ASAP2: variants seen among roughly 807,000 people sequenced by gnomAD.
ASAP2 encodes ArfGAP with SH3 domain, ankyrin repeat and PH domain 2.
In ASAP2, 45 loss-of-function variants were observed where a neutral mutation model predicts 131.4. The observed-to-expected ratio is 0.34, with a 90% CI of 0.27 to 0.44. The LOEUF is 0.44. ASAP2 is among the 20% of genes least tolerant of loss of function. The pLI, the probability that ASAP2 is intolerant of heterozygous loss-of-function variation, is 1.00. For synonymous variants in ASAP2, 510 were observed against 503.0 expected, an observed-to-expected ratio of 1.01 and a Z score of -0.19; for missense variants, 1,011 against 1,297.0, an observed-to-expected ratio of 0.78 and a Z score of 3.39.
intron 25 of ASAP2, 47 bp downstream of exon 25, chr2:9,400,119 G>A: frequency 6.4e-7 from 1 of 1,570,030 alleles, no homozygotes; most frequent in Non-Finnish European, 8.7e-7. Context: ...TGGTCCATGG[G>A]GGCAATGTGG....
At chr2:9,242,347 G>T (rs1012309502) in intron 1 of ASAP2, among the ~76,000 whole-genome samples, 1 of 152,220 alleles carries the variant, frequency 6.6e-6, no homozygotes, top group Middle Eastern at 3.2e-3. Flanking sequence ...CTTGGTAAAT[G>T]TTTGTTGAAT....
chr2:9,237,788 A>G (rs1297269743), intron 1 of ASAP2, among the ~76,000 whole-genome samples: 1 of 152,134 alleles, frequency 6.6e-6, no homozygotes, highest in Admixed American at 6.5e-5. Flanking sequence ...CTGGTGGAGT[A>G]CATTGTATAC....
At chr2:9,381,560 A>ACTCTGT (rs1302148051) in intron 20 of ASAP2, among the ~76,000 whole-genome samples, 1 of 152,086 alleles carries the variant, frequency 6.6e-6, no homozygotes, top group African/African-American at 2.4e-5. Context: ...ACATAGTGAG[A>ACTCTGT]CTCTGTCTCT....
At chr2:9,280,568 CT>C (rs1342121597) in intron 2 of ASAP2, among the ~76,000 whole-genome samples, 1 of 152,198 alleles carries the variant, frequency 6.6e-6, no homozygotes, top group Non-Finnish European at 1.5e-5. Flanking sequence ...GTACAAAACG[CT>C]GCTGACCAAA....
chr2:9,366,548 AG>A (rs1289784586), intron 15 of ASAP2, among the ~76,000 whole-genome samples: 3 of 152,170 alleles, frequency 2.0e-5, no homozygotes, highest in Non-Finnish European at 2.9e-5. Flanking sequence ...AACCCTTCAC[AG>A]GGCATTAGCT....
At chr2:9,371,108 A>G (rs1426181368) in intron 16 of ASAP2, among the ~76,000 whole-genome samples, 1 of 152,188 alleles carries the variant, frequency 6.6e-6, no homozygotes, top group African/African-American at 2.4e-5. Context: ...ACCCTTCAGT[A>G]TGAACGTTCT....
intron 11 of ASAP2, among the ~76,000 whole-genome samples, chr2:9,345,077 A>G (rs1287264548): frequency 6.6e-6 from 1 of 151,774 alleles, no homozygotes; most frequent in Non-Finnish European, 1.5e-5. Flanking sequence ...ACTCCCTAGC[A>G]GAGTCAGGAG....
intron 16 of ASAP2, among the ~76,000 whole-genome samples, chr2:9,373,705 A>G (rs1216239021): frequency 1.3e-5 from 2 of 152,234 alleles, no homozygotes; most frequent in African/African-American, 4.8e-5. Flanking sequence ...TCCAGCTCGA[A>G]GGGGAGCAGC....
chr2:9,208,719 A>G (rs1661325216), intron 1 of ASAP2, among the ~76,000 whole-genome samples: 1 of 152,208 alleles, frequency 6.6e-6, no homozygotes, highest in Non-Finnish European at 1.5e-5. Context: ...CAAATGAGGC[A>G]GATGGGGATG....
intron 1 of ASAP2, chr2:9,271,707 G>A (rs375430614): frequency 6.9e-5 from 32 of 467,052 alleles, no homozygotes; most frequent in Admixed American, 4.8e-4. Flanking sequence ...GGGAAGCGAC[G>A]GGGCCCAAGG....
At position 9,393,619 on chromosome 2, in the gene ASAP2, C is replaced by T. The variant is rs748713553; in HGVS notation, c.2656C>T (p.Arg886Cys). ...ACCTCTGCCCCCACAGCCGCCCAGC[C>T]GCCTCCCGCAGAAGAAGCCTGCGCC... is the stretch of plus-strand genomic sequence containing the variant. ...PPPLPPQPPSRLPQKKPAPGA... is the reference protein window; with the variant it reads ...PPPLPPQPPSCLPQKKPAPGA... Residue 886 changes from arginine to cysteine, a missense_variant, in exon 24 of 28, where the codon CGC becomes TGC. Coordinates refer to ENST00000281419, the MANE Select transcript of ASAP2 (RefSeq NM_003887.3). 21 of 1,586,104 alleles carry T rather than the reference C, an allele frequency of 1.3e-5. No individual in the cohort carries two copies. The highest frequency in any genetic ancestry group is 1.8e-4 in the Middle Eastern group (1 of 5,656).
At chr2:9,348,698 G>A (rs1041515527) in intron 11 of ASAP2, among the ~76,000 whole-genome samples, 1 of 152,124 alleles carries the variant, frequency 6.6e-6, no homozygotes, top group Non-Finnish European at 1.5e-5. Flanking sequence ...TCAAACAAAG[G>A]TGCTGAATAT....
rs572246222 is a variant in ASAP2 at position 9,396,809 on chromosome 2, A to G, written c.2684+3162A>G. On this transcript the variant is annotated intron_variant, in intron 24 of 27. Transcript: ENST00000281419. ...TTGAAGCCAAGAGTTCAAGACCTGCATGGCCAACATGGCAAAACCCTATCT... is the reference window on the plus strand; with the variant it reads ...TTGAAGCCAAGAGTTCAAGACCTGCGTGGCCAACATGGCAAAACCCTATCT... Among the ~76,000 whole-genome samples, 13 of 152,292 alleles carry G rather than the reference A, an allele frequency of 8.5e-5. No individual in the cohort carries two copies. In the East Asian group the frequency reaches 2.3e-3, roughly 27 times the overall value.
At position 9,405,402 on chromosome 2, in the gene ASAP2, T is replaced by C. The variant is rs932583806; in HGVS notation, c.*2075T>C. 1.3e-5 allele frequency: 2 copies of C among 152,648 alleles called. No homozygotes were observed. Among genetic ancestry groups the C allele is most frequent in the Non-Finnish European group, 2.9e-5 (2 of 68,038 alleles). 9.5% of individuals were successfully genotyped at this position (152,648 alleles called of 1,614,324 possible). The stretch of plus-strand genomic sequence containing the variant: ...CCATTCTCCATCAGATCTGGGATGA[T>C]GGCTCAGAACATGTACACAGACTAA... On this transcript the variant is annotated 3_prime_UTR_variant, in exon 28 of 28. Transcript: ENST00000281419.
chr2:9,403,082 T>C (rs1676885791), intron 27 of ASAP2, among the ~76,000 whole-genome samples, 171 bp from the exon 28 acceptor site: 1 of 152,214 alleles, frequency 6.6e-6, no homozygotes, highest in South Asian at 2.1e-4. Context: ...TGAAATGTGG[T>C]GAGGAAAAAC....
intron 24 of ASAP2, among the ~76,000 whole-genome samples, chr2:9,398,381 T>G (rs1676354659): frequency 1.3e-5 from 2 of 152,040 alleles, no homozygotes; most frequent in Admixed American, 6.5e-5. Flanking sequence ...CATGGTGGCG[T>G]GCACCTGTAG....
At chr2:9,252,461 C>T (rs1299845128) in intron 1 of ASAP2, among the ~76,000 whole-genome samples, 1 of 152,060 alleles carries the variant, frequency 6.6e-6, no homozygotes, top group African/African-American at 2.4e-5. Context: ...ACACGCCCAG[C>T]TACTCAGGAG....
intron 22 of ASAP2, 51 bp downstream of exon 22, chr2:9,388,597 G>A: frequency 6.4e-7 from 1 of 1,564,386 alleles, no homozygotes; most frequent in Non-Finnish European, 8.6e-7. Flanking sequence ...CTTGTTTTGT[G>A]GTTTGGGAAG....
At chr2:9,398,508 T>C (rs578215076) in intron 24 of ASAP2, among the ~76,000 whole-genome samples, 136 of 150,260 alleles carry the variant, frequency 9.1e-4, no homozygotes, top group Non-Finnish European at 1.7e-3. Context: ...GGACCCTGAC[T>C]CAAAAAACAA....
Sources: allele counts gnomAD v4.1 joint callset (sites outside exome capture counted in the v4.1 genomes callset), GRCh38; gene constraint gnomAD v4.1.1; transcripts MANE v1.5; gene names NCBI Gene and HGNC (gene_info 2026-07-23, HGNC 2026-07-21).